HERC1: variants seen among roughly 807,000 people sequenced by gnomAD.
HERC1 encodes HECT and RLD domain containing E3 ubiquitin protein ligase family member 1.
A neutral mutation model predicts 554.3 loss-of-function variants in HERC1; 160 were observed. The ratio of observed to expected loss-of-function variants is 0.29; its 90% CI spans 0.25 to 0.33. The LOEUF is 0.33. HERC1 is among the 10% of genes least tolerant of loss of function. The pLI is 1.00. For missense variants in HERC1, 4,919 were observed against 5,918.5 expected (o/e 0.83, Z 5.54); for synonymous variants, 2,175 against 2,131.7 (o/e 1.02, Z -0.56).
chr15:63,702,876 TG>T (rs1244320029), intron 25 of HERC1, among the ~76,000 whole-genome samples: 1 of 151,672 alleles, frequency 6.6e-6, no homozygotes, highest in African/African-American at 2.4e-5. Flanking sequence ...GAGACCAAGG[TG>T]GGGGGATCAC....
At chr15:63,683,573 A>C (rs2071594159) in intron 34 of HERC1, among the ~76,000 whole-genome samples, 1 of 152,234 alleles carries the variant, frequency 6.6e-6, no homozygotes, top group South Asian at 2.1e-4. Flanking sequence ...AAGATTGACA[A>C]GCAAACAGAG....
At chr15:63,687,207 A>C (rs2153024544) in intron 33 of HERC1, among the ~76,000 whole-genome samples, 1 of 152,312 alleles carries the variant, frequency 6.6e-6, no homozygotes, top group African/African-American at 2.4e-5. Flanking sequence ...GAAGGCAGAG[A>C]GACTGACTAA....
At position 63,692,397 on chromosome 15, in the gene HERC1, C is replaced by T. The variant is rs1202488945; in HGVS notation, c.5830+14G>A. 6.3e-7 allele frequency: 1 copy of T among 1,580,846 alleles called. No homozygotes were observed. The highest frequency in any genetic ancestry group is 1.2e-5 in the South Asian group (1 of 85,002). ...ATCTATAAATACTCTAAGACAAAGG[C>T]AAAGGACATGTACCTGAAGAACATT... On this transcript the variant is annotated intron_variant, in intron 31 of 77. Coordinates refer to ENST00000443617, the MANE Select transcript of HERC1 (RefSeq NM_003922.4). This position sits in a 1 kb window ranked among gnomAD's most constrained non-coding sequence, Gnocchi z 4.7.
intron 12 of HERC1, 30 bp downstream of exon 12, chr15:63,746,888 G>A: frequency 3.9e-6 from 6 of 1,538,402 alleles, no homozygotes; most frequent in Admixed American, 2.0e-5. Flanking sequence ...CGTGGTTTGA[G>A]ATACAGATTC....
At chr15:63,759,187 G>A (rs990120626) in intron 3 of HERC1, among the ~76,000 whole-genome samples, 7 of 152,124 alleles carry the variant, frequency 4.6e-5, no homozygotes, top group Non-Finnish European at 8.8e-5. Flanking sequence ...TATGATTCTT[G>A]AAACATACTA....
Position 63,778,820 on chromosome 15 carries a change from C to T in HERC1, c.-26-3171G>A, listed in dbSNP as rs1276165769. On this transcript the variant is annotated intron_variant, in intron 1 of 77. Transcript: ENST00000443617. ...TCAATTGAGGGAAATTCCCTGATGA[C>T]GACAAAGCAAAGTGTAAGTTAACAA... is the stretch of plus-strand genomic sequence containing the variant. Among the ~76,000 whole-genome samples, 5 of 151,910 alleles carry T rather than the reference C, an allele frequency of 3.3e-5. No individual in the cohort carries two copies. In the East Asian group the frequency reaches 5.8e-4, roughly 18 times the overall value.
In HERC1 at chr15:63,727,953, C is replaced by G. The variant is rs1183989149; in HGVS notation, c.3155-115G>C. Reference sequence around the variant, plus strand: ...TAGAGTAGACTCATTCAACAACTCTCTGTTGAACACCTACCTGGTAGCTGA... The same window carrying G: ...TAGAGTAGACTCATTCAACAACTCTGTGTTGAACACCTACCTGGTAGCTGA... On this transcript the variant is annotated intron_variant, in intron 16 of 77. Transcript: ENST00000443617. The surrounding 1 kb of genome is among the most constrained non-coding windows in gnomAD (Gnocchi z 4.3). 5.7e-5 allele frequency: 41 copies of G among 719,438 alleles called. No homozygotes were observed. The East Asian group carries it at 1.1e-3, about 19-fold the overall frequency. The allele number at this position is 719,438 out of a possible 1,614,324, so 44.6% of individuals were successfully genotyped here.
Position 63,652,402 on chromosome 15 carries a change from G to GCTAA in HERC1, c.10418+11_10418+12insTTAG. The GCTAA allele has an allele frequency of 6.2e-7, 1 of 1,611,214 alleles. No homozygotes were observed. Among genetic ancestry groups the GCTAA allele is most frequent in the Non-Finnish European group, 8.5e-7 (1 of 1,178,034 alleles). On this transcript the variant is annotated intron_variant, in intron 52 of 77. Transcript: ENST00000443617. ...TTATTTTAAATGGTATACACGTGAT[G>GCTAA]TTAGCACTCACAATCTGTTGAACAC...
intron 1 of HERC1, among the ~76,000 whole-genome samples, chr15:63,810,977 T>C (rs972420604): frequency 2.6e-5 from 4 of 152,160 alleles, no homozygotes; most frequent in African/African-American, 7.2e-5. Context: ...TTGTAGGACA[T>C]TGTATAAGAC....
At chr15:63,827,114 C>T (rs1317355519) in intron 1 of HERC1, among the ~76,000 whole-genome samples, 1 of 152,026 alleles carries the variant, frequency 6.6e-6, no homozygotes, top group African/African-American at 2.4e-5. Context: ...AACATCTACA[C>T]AGTCAAGTCA....
intron 41 of HERC1, 101 bp from the exon 42 acceptor site, chr15:63,666,251 G>C: frequency 7.3e-7 from 1 of 1,374,492 alleles, no homozygotes; most frequent in South Asian, 1.3e-5. Context: ...AAAATATAGT[G>C]TTAAAAATCT....
chr15:63,627,564 C>T (rs1250705138), intron 70 of HERC1, among the ~76,000 whole-genome samples: 1 of 151,654 alleles, frequency 6.6e-6, no homozygotes. Context: ...ATCCCAGCTA[C>T]GTGGGAGGCT....
At chr15:63,778,666 T>C (rs1031433823) in intron 1 of HERC1, among the ~76,000 whole-genome samples, 6 of 152,296 alleles carry the variant, frequency 3.9e-5, no homozygotes, top group Admixed American at 2.6e-4. Flanking sequence ...CTTTGCTATA[T>C]TGACTGAAGA....
At chr15:63,634,315 T>C (rs568060095) in intron 66 of HERC1, among the ~76,000 whole-genome samples, 101 of 152,314 alleles carry the variant, frequency 6.6e-4, no homozygotes, top group Non-Finnish European at 1.3e-3. Flanking sequence ...TATTTCCTTG[T>C]TAAAGGACAC....
At position 63,789,658 on chromosome 15, in the gene HERC1, C is replaced by T. The variant is rs556351310; in HGVS notation, c.-26-14009G>A. On this transcript the variant is annotated intron_variant, in intron 1 of 77. Coordinates refer to ENST00000443617, the MANE Select transcript of HERC1 (RefSeq NM_003922.4). ...ACTAAAAATACAAAAATTAGCTAGGCGTTGTGGCGGGCACCTGTAATCCCA... is the reference window on the plus strand; with the variant it reads ...ACTAAAAATACAAAAATTAGCTAGGTGTTGTGGCGGGCACCTGTAATCCCA... Among the ~76,000 whole-genome samples the T allele has an allele frequency of 6.5e-4, 98 of 151,558 alleles. No individual in the cohort carries two copies. In the South Asian group the frequency reaches 0.019, roughly 30 times the overall value.
intron 25 of HERC1, among the ~76,000 whole-genome samples, chr15:63,700,684 G>T (rs2072666250): frequency 7.0e-6 from 1 of 143,710 alleles, no homozygotes; most frequent in South Asian, 2.2e-4. Context: ...ACTCCAGCCT[G>T]GGTGACAGGG....
intron 25 of HERC1, among the ~76,000 whole-genome samples, chr15:63,700,589 A>T (rs868734537): frequency 6.6e-6 from 1 of 152,060 alleles, no homozygotes; most frequent in Non-Finnish European, 1.5e-5. Flanking sequence ...AATAATGTAG[A>T]ATGGCAAAGA....
chr15:63,758,125 G>A lies in HERC1; in HGVS notation c.1221+50C>T. The A allele has an allele frequency of 7.7e-7, 1 of 1,292,344 alleles. No homozygotes were observed. The highest frequency in any genetic ancestry group is 1.1e-6 in the Non-Finnish European group (1 of 914,684). The allele number at this position is 1,292,344 out of a possible 1,614,324, so 80.1% of individuals were successfully genotyped here. On this transcript the variant is annotated intron_variant, in intron 4 of 77. Transcript: ENST00000443617. The surrounding 1 kb of genome is among the most constrained non-coding windows in gnomAD (Gnocchi z 4.0). Reference sequence around the variant, plus strand: ...AGTATTATTTAATGCAAATAAGCATGAATATACACCAGATTATCTACCAGT... The same window carrying A: ...AGTATTATTTAATGCAAATAAGCATAAATATACACCAGATTATCTACCAGT...
intron 10 of HERC1, among the ~76,000 whole-genome samples, chr15:63,748,116 C>T (rs1050336409): frequency 6.6e-6 from 1 of 152,034 alleles, no homozygotes; most frequent in Non-Finnish European, 1.5e-5. Flanking sequence ...GTCCCAGTTA[C>T]CCAGGAGGCT....
Sources: allele counts gnomAD v4.1 joint callset (sites outside exome capture counted in the v4.1 genomes callset), GRCh38; gene constraint gnomAD v4.1.1; non-coding constraint Gnocchi (gnomAD v3.1); transcripts MANE v1.5; gene names NCBI Gene and HGNC (gene_info 2026-07-23, HGNC 2026-07-21).